Variants in CEP85L observed in about 807,000 individuals in gnomAD.
The protein encoded by CEP85L is centrosomal protein 85L.
Under a neutral mutation model 100.3 loss-of-function variants are expected in CEP85L, and 60 were observed. That is an observed-to-expected ratio of 0.60 (90% CI 0.49 to 0.74). The LOEUF is 0.74. Ranked by LOEUF, CEP85L falls within the 30% of genes least tolerant of loss-of-function variation. The pLI is 0.00. For synonymous variants in CEP85L, 319 were observed against 322.7 expected, an observed-to-expected ratio of 0.99 and a Z score of 0.12; for missense variants, 973 against 936.2, an observed-to-expected ratio of 1.04 and a Z score of -0.51.
At chr6:118,704,340 C>A (rs1777523296) in intron 1 of CEP85L, among the ~76,000 whole-genome samples, 1 of 152,170 alleles carries the variant, frequency 6.6e-6, no homozygotes, top group Admixed American at 6.5e-5. Flanking sequence ...CCTGGAGCTA[C>A]CCTGCCCACT....
chr6:118,696,747 G>A (rs953588476), intron 1 of CEP85L, among the ~76,000 whole-genome samples: 2 of 152,104 alleles, frequency 1.3e-5, no homozygotes, highest in Non-Finnish European at 2.9e-5. Context: ...AAAAACCTTG[G>A]ACAGTTGATA....
intron 2 of CEP85L, among the ~76,000 whole-genome samples, chr6:118,571,587 ATCTC>A (rs376033990): frequency 4.6e-4 from 69 of 150,010 alleles, no homozygotes; most frequent in South Asian, 3.8e-3. Flanking sequence ...CAGGGATGGT[ATCTC>A]TCTCTCTCTC....
chr6:118,661,851 AC>A (rs1775984149), intron 1 of CEP85L, among the ~76,000 whole-genome samples: 2 of 152,238 alleles, frequency 1.3e-5, no homozygotes, highest in African/African-American at 4.8e-5. Context: ...AAAGAATAGC[AC>A]TAAAGCCACC....
chr6:118,616,133 T>C (rs2115254098), intron 2 of CEP85L, among the ~76,000 whole-genome samples: 1 of 152,238 alleles, frequency 6.6e-6, no homozygotes, highest in Admixed American at 6.5e-5. Context: ...GAAAATATCT[T>C]CAAGATGTAG....
At chr6:118,472,605 T>C (rs1387156523) in intron 10 of CEP85L, among the ~76,000 whole-genome samples, 1 of 152,222 alleles carries the variant, frequency 6.6e-6, no homozygotes, top group Non-Finnish European at 1.5e-5. Context: ...TAAATACTTT[T>C]TGCAGAGCAT....
At position 118,590,044 on chromosome 6, in the gene CEP85L, T is replaced by TACAC. The variant is rs58587419; in HGVS notation, c.233-23732_233-23729dup. Among the ~76,000 whole-genome samples, 405 of 150,316 alleles carry TACAC rather than the reference T, an allele frequency of 2.7e-3. 1 individual carries two copies. The highest frequency in any genetic ancestry group is 9.2e-3 in the African/African-American group (375 of 40,870). ...GTTTCAGATTTTTTTTCTCTGCATTTACACACACACACACACACACACACA... is the reference window on the plus strand; with the variant it reads ...GTTTCAGATTTTTTTTCTCTGCATTTACACACACACACACACACACACACACACA... On this transcript the variant is annotated intron_variant, in intron 2 of 12. Transcript: ENST00000368491.
At chr6:118,613,698 G>T (rs747858352) in intron 2 of CEP85L, among the ~76,000 whole-genome samples, 3 of 144,400 alleles carry the variant, frequency 2.1e-5, no homozygotes, top group Non-Finnish European at 4.5e-5. Flanking sequence ...TGGAGGTTGT[G>T]GTGACCCGAG....
At chr6:118,634,911 T>C (rs1394138782) in intron 1 of CEP85L, among the ~76,000 whole-genome samples, 1 of 152,052 alleles carries the variant, frequency 6.6e-6, no homozygotes, top group Non-Finnish European at 1.5e-5. Flanking sequence ...AAAATAAATA[T>C]AAGAAACGAT....
chr6:118,678,289 G>A (rs184196442), intron 1 of CEP85L, among the ~76,000 whole-genome samples: 5 of 152,300 alleles, frequency 3.3e-5, no homozygotes, highest in East Asian at 1.9e-4. Flanking sequence ...TGGGAGCCAC[G>A]GCTTTGTAAA....
intron 1 of CEP85L, among the ~76,000 whole-genome samples, chr6:118,636,083 GCT>G (rs914574012): frequency 4.9e-4 from 74 of 152,164 alleles, no homozygotes; most frequent in Non-Finnish European, 9.6e-4. Context: ...GTCTAAATCA[GCT>G]GTAGACAATA....
At chr6:118,501,339 G>A (rs570071289) in intron 5 of CEP85L, 116 of 360,538 alleles carry the variant, frequency 3.2e-4, no homozygotes, top group Admixed American at 5.8e-4. Context: ...ACCAAACCCC[G>A]CACGCCAATG....
At chr6:118,646,397 A>C (rs1189928016) in intron 1 of CEP85L, among the ~76,000 whole-genome samples, 1 of 152,010 alleles carries the variant, frequency 6.6e-6, no homozygotes. Context: ...GGCTGGGTGC[A>C]GTGGCTCATG....
chr6:118,587,522 C>A (rs980764167), intron 2 of CEP85L, among the ~76,000 whole-genome samples: 17 of 152,272 alleles, frequency 1.1e-4, no homozygotes, highest in Middle Eastern at 6.8e-3. Flanking sequence ...TAGTCTCCTT[C>A]TGGTTGGAAG....
intron 3 of CEP85L, among the ~76,000 whole-genome samples, chr6:118,535,516 ATAT>A (rs1488060990): frequency 1.3e-5 from 2 of 152,198 alleles, no homozygotes; most frequent in East Asian, 1.9e-4. Flanking sequence ...TTGCCTGAAA[ATAT>A]TAATAATGGA....
intron 3 of CEP85L, among the ~76,000 whole-genome samples, chr6:118,533,815 C>A (rs1396802519): frequency 6.6e-6 from 1 of 152,180 alleles, no homozygotes; most frequent in Non-Finnish European, 1.5e-5. Flanking sequence ...TCAATGCAAG[C>A]TGGGCGCAGT....
At chr6:118,692,070 G>T (rs1276437922) in intron 1 of CEP85L, among the ~76,000 whole-genome samples, 1 of 152,078 alleles carries the variant, frequency 6.6e-6, no homozygotes, top group Non-Finnish European at 1.5e-5. Flanking sequence ...AACTCAGGGC[G>T]AGGGGACAAG....
chr6:118,634,659 C>A (rs1774379147), intron 1 of CEP85L, among the ~76,000 whole-genome samples: 1 of 151,952 alleles, frequency 6.6e-6, no homozygotes, highest in Non-Finnish European at 1.5e-5. Context: ...ATTAAAGCAC[C>A]AGAAGAAGGT....
chr6:118,610,164 CAG>C lies in CEP85L; in HGVS notation c.232+22287_232+22288del, dbSNP rs550788422. ...TTTAAAAAATGAGGCTCAAAGAAGT[CAG>C]AAATTATTCAAGGTTGTACAGATAA... On this transcript the variant is annotated intron_variant, in intron 2 of 12. Coordinates refer to ENST00000368491, the MANE Select transcript of CEP85L (RefSeq NM_001042475.3). Among the ~76,000 whole-genome samples, 147 of 152,166 alleles carry C rather than the reference CAG, an allele frequency of 9.7e-4. 1 individual carries two copies. Among genetic ancestry groups the C allele is most frequent in the Middle Eastern group, 3.4e-3 (1 of 292 alleles).
chr6:118,647,626 T>A (rs923048314), intron 1 of CEP85L, among the ~76,000 whole-genome samples: 1 of 152,184 alleles, frequency 6.6e-6, no homozygotes, highest in African/African-American at 2.4e-5. Context: ...CCTCCCAAAG[T>A]GCTGGGATTA....
Sources: gnomAD v4.1 joint callset for allele counts (sites outside exome capture counted in the v4.1 genomes callset) on GRCh38, gnomAD v4.1.1 for gene constraint, MANE v1.5 for transcripts, NCBI Gene and HGNC (gene_info 2026-07-23, HGNC 2026-07-21) for gene names.